MOXD1: variants seen among roughly 807,000 people sequenced by gnomAD.
MOXD1 encodes DBH-like monooxygenase protein 1.
Under a neutral mutation model 66.6 loss-of-function variants are expected in MOXD1, and 62 were observed. The observed-to-expected ratio is 0.93, with a 90% CI of 0.76 to 1.15. MOXD1 has a LOEUF of 1.15. Ranked by LOEUF, MOXD1 falls within the 50% of genes most tolerant of loss-of-function variation. MOXD1 has a pLI of 0.00. For synonymous variants in MOXD1, 303 were observed against 281.9 expected, an observed-to-expected ratio of 1.07 and a Z score of -0.75; for missense variants, 847 against 754.6, an observed-to-expected ratio of 1.12 and a Z score of -1.44.
chr6:132,355,121 G>A (rs1775887120), intron 4 of MOXD1, among the ~76,000 whole-genome samples: 2 of 152,096 alleles, frequency 1.3e-5, no homozygotes, highest in Non-Finnish European at 2.9e-5. Context: ...CTCACCCGTG[G>A]AGTCTGCACA....
At chr6:132,319,014 A>C (rs571744033) in intron 9 of MOXD1, among the ~76,000 whole-genome samples, 10 of 152,044 alleles carry the variant, frequency 6.6e-5, no homozygotes, top group African/African-American at 2.4e-4. Flanking sequence ...TTCTGCTCCA[A>C]GTCTTCTAAC....
In MOXD1 at chr6:132,322,786, G is replaced by T. The variant is rs752440623; in HGVS notation, c.1198C>A (p.Arg400Ser). The T allele has an allele frequency of 1.4e-5, 23 of 1,613,854 alleles. No individual in the cohort carries two copies. Among genetic ancestry groups the T allele is most frequent in the South Asian group, 2.2e-5 (2 of 91,064 alleles). The change falls in exon 8 of 12, where the codon CGT (arginine) becomes AGT (serine). Residue 400 changes from arginine (R) to serine (S), a missense_variant. Coordinates refer to ENST00000367963, the MANE Select transcript of MOXD1 (RefSeq NM_015529.4). ...ATTTCCTTCCCTTTTCGAAAATGAC[G>T]CAGCCTGATGCCTCTGCCAGCCAGG... is the stretch of plus-strand genomic sequence containing the variant. ...AHLAGRGIRL[R>S]HFRKGKEMKL...
At chr6:132,350,594 G>C (rs1214041561) in intron 4 of MOXD1, among the ~76,000 whole-genome samples, 1 of 152,098 alleles carries the variant, frequency 6.6e-6, no homozygotes, top group African/African-American at 2.4e-5. Context: ...TCTTGCTTTG[G>C]CTATGCAGGC....
At chr6:132,336,371 G>A (rs1775439464) in intron 4 of MOXD1, among the ~76,000 whole-genome samples, 2 of 152,160 alleles carry the variant, frequency 1.3e-5, no homozygotes, top group Admixed American at 6.5e-5. Flanking sequence ...TGCTGCCTAT[G>A]GGAACATTTC....
At chr6:132,349,101 C>A (rs1033425642) in intron 4 of MOXD1, among the ~76,000 whole-genome samples, 12 of 151,432 alleles carry the variant, frequency 7.9e-5, no homozygotes, top group African/African-American at 2.7e-4. Flanking sequence ...TACACTGCAC[C>A]TTATTTGTAG....
chr6:132,365,224 T>G (rs1465185122), intron 4 of MOXD1, among the ~76,000 whole-genome samples: 1 of 152,152 alleles, frequency 6.6e-6, no homozygotes, highest in Non-Finnish European at 1.5e-5. Context: ...TCTCTAGACA[T>G]TCTGGATTCT....
chr6:132,344,458 C>T (rs1259462029), intron 4 of MOXD1, among the ~76,000 whole-genome samples: 1 of 152,158 alleles, frequency 6.6e-6, no homozygotes, highest in African/African-American at 2.4e-5. Flanking sequence ...AGACAAATTC[C>T]TAGGCAGATA....
chr6:132,367,424 T>C (rs1048563720), intron 4 of MOXD1, among the ~76,000 whole-genome samples: 74 of 152,094 alleles, frequency 4.9e-4, no homozygotes, highest in African/African-American at 1.7e-3. Flanking sequence ...GCAATCTTGT[T>C]AGGTAAGAAC....
At chr6:132,388,831 G>A (rs1776699952) in intron 1 of MOXD1, among the ~76,000 whole-genome samples, 1 of 151,184 alleles carries the variant, frequency 6.6e-6, no homozygotes. Context: ...TTGCTTTGAC[G>A]CCCTGTGACC....
At chr6:132,393,023 T>C (rs1014954938) in intron 1 of MOXD1, among the ~76,000 whole-genome samples, 1 of 152,210 alleles carries the variant, frequency 6.6e-6, no homozygotes, top group Admixed American at 6.5e-5. Context: ...CCTGAATTAA[T>C]GATTGCCAGC....
chr6:132,297,963 TA>T lies in MOXD1; in HGVS notation c.1509-9del. On this transcript the variant is annotated splice_polypyrimidine_tract_variant and intron_variant, in intron 10 of 11. Coordinates refer to ENST00000367963, the MANE Select transcript of MOXD1 (RefSeq NM_015529.4). ...ATAATGAAAGGCCAGGTCCTGAATT[TA>T]AAAGACACAGTTAGTCATATTCAGA... is the stretch of plus-strand genomic sequence containing the variant. 6.2e-7 allele frequency: 1 copy of T among 1,602,184 alleles called. No individual in the cohort carries two copies. The highest frequency in any genetic ancestry group is 8.5e-7 in the Non-Finnish European group (1 of 1,176,026).
At chr6:132,353,363 C>T (rs552490533) in intron 4 of MOXD1, among the ~76,000 whole-genome samples, 208 of 152,188 alleles carry the variant, frequency 1.4e-3, no homozygotes, top group African/African-American at 4.9e-3. Context: ...TTAATAGTGG[C>T]GAATTCTCTC....
intron 4 of MOXD1, among the ~76,000 whole-genome samples, chr6:132,356,759 AATAGAT>A (rs1323754777): frequency 6.6e-6 from 1 of 152,156 alleles, no homozygotes; most frequent in African/African-American, 2.4e-5. Context: ...AATTCAAAGT[AATAGAT>A]ATAGAGTGAT....
chr6:132,328,390 A>G (rs1378246199), intron 5 of MOXD1, 25 bp downstream of exon 5: 2 of 1,610,740 alleles, frequency 1.2e-6, no homozygotes, highest in Non-Finnish European at 1.7e-6. Flanking sequence ...TAATTGTGTT[A>G]CATCTCAGTA....
intron 4 of MOXD1, among the ~76,000 whole-genome samples, chr6:132,360,913 T>A (rs1020537129): frequency 3.3e-5 from 5 of 152,182 alleles, no homozygotes; most frequent in Non-Finnish European, 7.4e-5. Context: ...AAACATACCA[T>A]AAACCAAAGT....
chr6:132,300,385 C>A (rs934948331), intron 10 of MOXD1, among the ~76,000 whole-genome samples: 3 of 152,094 alleles, frequency 2.0e-5, no homozygotes, highest in South Asian at 2.1e-4. Context: ...AGCTATTGAT[C>A]ATTTTAAGTC....
At chr6:132,299,890 CT>C (rs1304965641) in intron 10 of MOXD1, among the ~76,000 whole-genome samples, 37 of 110,978 alleles carry the variant, frequency 3.3e-4, no homozygotes, top group African/African-American at 4.0e-4. Context: ...TTCTCTCTCC[CT>C]CTCTCTCTCT....
At chr6:132,368,518 T>C (rs1273908649) in intron 4 of MOXD1, among the ~76,000 whole-genome samples, 1 of 152,036 alleles carries the variant, frequency 6.6e-6, no homozygotes, top group African/African-American at 2.4e-5. Context: ...ATCAATAAAT[T>C]GAGATCACAA....
At chr6:132,298,499 A>C (rs1774459876) in intron 10 of MOXD1, among the ~76,000 whole-genome samples, 1 of 152,196 alleles carries the variant, frequency 6.6e-6, no homozygotes, top group Admixed American at 6.5e-5. Flanking sequence ...AGAGATGGAA[A>C]GTTCAAACCC....
Sources: gnomAD v4.1 joint callset for allele counts (sites outside exome capture counted in the v4.1 genomes callset) on GRCh38, gnomAD v4.1.1 for gene constraint, MANE v1.5 for transcripts, NCBI Gene and HGNC (gene_info 2026-07-23, HGNC 2026-07-21) for gene names.